Variants in TMEM108 observed in about 807,000 individuals in gnomAD.
The protein encoded by TMEM108 is transmembrane protein 108.
A neutral mutation model predicts 35.1 loss-of-function variants in TMEM108; 12 were observed. That is an observed-to-expected ratio of 0.34 (90% CI 0.22 to 0.55). The LOEUF (loss-of-function observed/expected upper bound fraction) is 0.55. Ranked by LOEUF, TMEM108 falls within the 20% of genes least tolerant of loss-of-function variation. TMEM108 has a pLI of 0.89. For synonymous variants in TMEM108, 287 were observed against 308.6 expected (o/e 0.93, Z 0.73); for missense variants, 680 against 753.3 (o/e 0.90, Z 1.14).
chr3:133,085,184 A>G (rs1373574824), intron 2 of TMEM108, among the ~76,000 whole-genome samples: 1 of 152,220 alleles, frequency 6.6e-6, no homozygotes, highest in Admixed American at 6.5e-5. Flanking sequence ...TGTTCAAAGC[A>G]TAGTCCAAAG....
chr3:133,113,770 A>G (rs547278834), intron 2 of TMEM108, among the ~76,000 whole-genome samples: 6 of 152,192 alleles, frequency 3.9e-5, no homozygotes, highest in African/African-American at 7.2e-5. Context: ...TGAGGTGGCA[A>G]CTGTTGAACT....
At chr3:133,039,313 C>T (rs1458027681) in intron 1 of TMEM108, among the ~76,000 whole-genome samples, 1 of 151,928 alleles carries the variant, frequency 6.6e-6, no homozygotes, top group African/African-American at 2.4e-5. Flanking sequence ...TCTGGGGGTA[C>T]CCAGGAAGGT....
chr3:133,396,050 A>G lies in TMEM108; in HGVS notation c.*64A>G, dbSNP rs1013833576. 1.0e-5 allele frequency: 11 copies of G among 1,105,526 alleles called. No individual in the cohort carries two copies. Among genetic ancestry groups the G allele is most frequent in the South Asian group, 3.4e-5 (1 of 29,410 alleles). 68.5% of individuals were successfully genotyped at this position (1,105,526 alleles called of 1,614,324 possible). On this transcript the variant is annotated 3_prime_UTR_variant, in exon 6 of 6. Coordinates refer to ENST00000321871, the MANE Select transcript of TMEM108 (RefSeq NM_023943.4). ...CTCTAAATTATAAATATACAAATACATATATTATAAATATAACCTTTGTGT... is the reference window on the plus strand; with the variant it reads ...CTCTAAATTATAAATATACAAATACGTATATTATAAATATAACCTTTGTGT...
At chr3:133,039,974 C>G (rs558675355) in intron 1 of TMEM108, among the ~76,000 whole-genome samples, 6 of 152,224 alleles carry the variant, frequency 3.9e-5, no homozygotes, top group African/African-American at 1.4e-4. Flanking sequence ...GAGGGAACAC[C>G]TAAATTTGTT....
chr3:133,070,915 T>A (rs1172440939), intron 2 of TMEM108, among the ~76,000 whole-genome samples: 1 of 152,066 alleles, frequency 6.6e-6, no homozygotes, highest in African/African-American at 2.4e-5. Context: ...AATTCAACAT[T>A]TGCTGTCTTC....
At chr3:133,376,909 A>G (rs1017846601) in intron 3 of TMEM108, among the ~76,000 whole-genome samples, 3 of 152,206 alleles carry the variant, frequency 2.0e-5, no homozygotes, top group Non-Finnish European at 4.4e-5. Context: ...ACAGAAATGT[A>G]CTTCCTCACA....
intron 2 of TMEM108, among the ~76,000 whole-genome samples, chr3:133,200,467 C>T (rs1219122672): frequency 6.6e-6 from 1 of 152,216 alleles, no homozygotes; most frequent in Non-Finnish European, 1.5e-5. Context: ...AGCAGTCGTT[C>T]TCACAGTGGC....
chr3:133,038,559 G>A (rs1943234463), intron 1 of TMEM108, 124 bp downstream of exon 1: 1 of 152,498 alleles, frequency 6.6e-6, no homozygotes, highest in African/African-American at 2.4e-5. Flanking sequence ...CCCAGCTTCA[G>A]GGAGGATGCA....
At chr3:133,287,976 G>C (rs1947008638) in intron 3 of TMEM108, among the ~76,000 whole-genome samples, 1 of 152,168 alleles carries the variant, frequency 6.6e-6, no homozygotes, top group African/African-American at 2.4e-5. Context: ...GCCTTAGGCT[G>C]GGTTCAGCAT....
At chr3:133,387,138 A>G in intron 4 of TMEM108, 1 of 985,418 alleles carries the variant, frequency 1.0e-6, no homozygotes, top group Non-Finnish European at 1.2e-6. Context: ...TTCTTTCTAG[A>G]TCTCTCTTGT....
intron 2 of TMEM108, among the ~76,000 whole-genome samples, chr3:133,120,307 C>T (rs533965183): frequency 1.7e-4 from 26 of 152,316 alleles, no homozygotes; most frequent in African/African-American, 6.0e-4. Context: ...TTCAACCCAT[C>T]TATTCACTCA....
At position 133,040,202 on chromosome 3, in the gene TMEM108, G is replaced by GTT. The variant is rs200928853; in HGVS notation, c.-166+1769_-166+1770dup. ...TTATCACAGTTTTTTTTGTTTGTTT[G>GTT]TTTGTTTTTTTTTTTTTTTGAGACG... On this transcript the variant is annotated intron_variant, in intron 1 of 5. Transcript: ENST00000321871. Among the ~76,000 whole-genome samples, 27 of 119,678 alleles carry GTT rather than the reference G, an allele frequency of 2.3e-4. 1 individual carries two copies. Among genetic ancestry groups the GTT allele is most frequent in the African/African-American group, 4.1e-4 (14 of 34,202 alleles). The allele number at this position is 119,678 out of a possible 152,430, so 78.5% of individuals were successfully genotyped here.
At chr3:133,384,762 G>C (rs2073102920) in intron 4 of TMEM108, among the ~76,000 whole-genome samples, 1 of 152,196 alleles carries the variant, frequency 6.6e-6, no homozygotes, top group Admixed American at 6.5e-5. Flanking sequence ...TGTCAGTTTT[G>C]TGGCTCTGTC....
intron 2 of TMEM108, among the ~76,000 whole-genome samples, chr3:133,159,656 C>T (rs370497885): frequency 2.0e-5 from 3 of 152,106 alleles, no homozygotes; most frequent in East Asian, 1.9e-4. Flanking sequence ...GCCCTGTGAG[C>T]GGATATTGTT....
chr3:133,087,461 G>C (rs1311534397), intron 2 of TMEM108, among the ~76,000 whole-genome samples: 1 of 152,294 alleles, frequency 6.6e-6, no homozygotes, highest in Non-Finnish European at 1.5e-5. Flanking sequence ...CACTGGCTTG[G>C]GGTTAACCAC....
chr3:133,207,992 A>G (rs1269779952), intron 2 of TMEM108, among the ~76,000 whole-genome samples: 2 of 152,222 alleles, frequency 1.3e-5, no homozygotes, highest in Non-Finnish European at 2.9e-5. Context: ...TTTCTGTTCC[A>G]GCTACCTCTT....
chr3:133,107,472 G>GTGTC (rs1465596620), intron 2 of TMEM108, among the ~76,000 whole-genome samples: 2 of 147,850 alleles, frequency 1.4e-5, no homozygotes, highest in African/African-American at 5.3e-5. Context: ...GTGTGTGTGT[G>GTGTC]TGTGTGTGTG....
chr3:133,170,951 T>TTAGGCA (rs1945121625), intron 2 of TMEM108, among the ~76,000 whole-genome samples: 1 of 152,174 alleles, frequency 6.6e-6, no homozygotes, highest in African/African-American at 2.4e-5. Context: ...TTCAGACAAG[T>TTAGGCA]GATGAAGATT....
intron 2 of TMEM108, among the ~76,000 whole-genome samples, chr3:133,218,211 G>A (rs1369900903): frequency 6.6e-6 from 1 of 151,804 alleles, no homozygotes; most frequent in Non-Finnish European, 1.5e-5. Flanking sequence ...TAGATAGTTT[G>A]TTGTTAGTGT....
Sources: allele counts gnomAD v4.1 joint callset (sites outside exome capture counted in the v4.1 genomes callset), GRCh38; gene constraint gnomAD v4.1.1; transcripts MANE v1.5; gene names NCBI Gene and HGNC (gene_info 2026-07-23, HGNC 2026-07-21).